Variants in DAZAP1 observed in about 807,000 individuals in gnomAD.
DAZAP1 encodes the protein DAZ associated protein 1.
DAZAP1 carries 6 observed loss-of-function variants against 60.1 expected under a neutral mutation model. That is an observed-to-expected ratio of 0.10 (90% CI 0.05 to 0.20). The LOEUF (loss-of-function observed/expected upper bound fraction) is 0.20. Among genes scored for constraint, DAZAP1 ranks in the 10% least tolerant of loss-of-function variants. DAZAP1 has a pLI of 1.00. For synonymous variants in DAZAP1, 235 were observed against 215.9 expected (o/e 1.09, Z -0.78); for missense variants, 366 against 560.4 (o/e 0.65, Z 3.50).
At chr19:1,429,773 G>T (rs997488461) in intron 8 of DAZAP1, among the ~76,000 whole-genome samples, 194 bp from the exon 9 acceptor site, 1 of 152,166 alleles carries the variant, frequency 6.6e-6, no homozygotes, top group Non-Finnish European at 1.5e-5. Flanking sequence ...TGGCTTTAAG[G>T]CCTGTTCTAC....
rs76158954 is a variant in DAZAP1 at position 1,434,272 on chromosome 19, G to A, written c.1049-465G>A. The A allele has an allele frequency of 1.0e-4, 21 of 206,814 alleles. No individual in the cohort carries two copies. The East Asian group carries it at 2.5e-3, about 24-fold the overall frequency. 12.8% of individuals were successfully genotyped at this position (206,814 alleles called of 1,614,324 possible). A position where few individuals can be genotyped will look rare whatever the true frequency, so the allele number is the denominator to read the frequency against. ...TGCCACCGATGGACGTGCCCTGACA[G>A]GAAGGACAACGTGGGGTCTGGTCTG... On this transcript the variant is annotated intron_variant, in intron 11 of 11. Coordinates refer to ENST00000233078, the MANE Select transcript of DAZAP1 (RefSeq NM_018959.4). The surrounding 1 kb of genome is among the most constrained non-coding windows in gnomAD (Gnocchi z 8.0).
chr19:1,422,105 C>A lies in DAZAP1; in HGVS notation c.415-243C>A, dbSNP rs572474461. 6.6e-6 allele frequency among the ~76,000 whole-genome samples: 1 copy of A among 152,256 alleles called. No homozygotes were observed. Among genetic ancestry groups the A allele is most frequent in the Non-Finnish European group, 1.5e-5 (1 of 68,034 alleles). ...AGCGGGGCCACGGGCAGCCCGGAGG[C>A]GGGTATCCAGACGCCTGCCCTGGAG... On this transcript the variant is annotated intron_variant, in intron 5 of 11. Transcript: ENST00000233078. This position sits in a 1 kb window ranked among gnomAD's most constrained non-coding sequence, Gnocchi z 4.5.
In DAZAP1 at chr19:1,418,020, G is replaced by A. The variant is rs2083037608; in HGVS notation, c.71-184G>A. The stretch of plus-strand genomic sequence containing the variant: ...CTCACTGGCAGCCCCTGATTTACGT[G>A]AGGACCTCAAGTGTGTGTTGGGCAG... On this transcript the variant is annotated intron_variant, in intron 2 of 11. Transcript: ENST00000233078. This position sits in a 1 kb window ranked among gnomAD's most constrained non-coding sequence, Gnocchi z 5.7. 6.6e-6 allele frequency among the ~76,000 whole-genome samples: 1 copy of A among 152,186 alleles called. No homozygotes were observed. The highest frequency in any genetic ancestry group is 6.5e-5 in the Admixed American group (1 of 15,276).
intron 7 of DAZAP1, chr19:1,427,560 G>A (rs1223604859): frequency 4.6e-5 from 7 of 152,294 alleles, no homozygotes; most frequent in African/African-American, 1.4e-4. Flanking sequence ...CTGCATTCAG[G>A]TAGGAAAGGG....
rs756622188 is a variant in DAZAP1, at chr19:1,433,709, G to A, written c.1048+1019G>A. The A allele has an allele frequency of 5.0e-6, 8 of 1,598,046 alleles. No homozygotes were observed. The highest frequency in any genetic ancestry group is 6.9e-6 in the Non-Finnish European group (8 of 1,166,660). The stretch of plus-strand genomic sequence containing the variant: ...GCTGCTCTTGGTGGCGGCTGCTTGG[G>A]TTGGTCACCCTGGTCTCGTCTCTTG... On this transcript the variant is annotated intron_variant, in intron 11 of 11. Transcript: ENST00000233078. This position sits in a 1 kb window ranked among gnomAD's most constrained non-coding sequence, Gnocchi z 6.1.
At chr19:1,415,351 TTATGTG>T (rs1285096429) in intron 1 of DAZAP1, among the ~76,000 whole-genome samples, 13 of 70,012 alleles carry the variant, frequency 1.9e-4, no homozygotes, top group South Asian at 1.3e-3. Flanking sequence ...TTTCAGGGTT[TTATGTG>T]TGTGTGTGTG....
chr19:1,430,052 T>C, intron 9 of DAZAP1, 56 bp downstream of exon 9: 2 of 1,578,578 alleles, frequency 1.3e-6, no homozygotes, highest in Non-Finnish European at 1.7e-6. Context: ...GCAGGCTGAC[T>C]CGCCAGGTGT....
At chr19:1,408,983 G>A (rs1292554300) in intron 1 of DAZAP1, among the ~76,000 whole-genome samples, 1 of 152,254 alleles carries the variant, frequency 6.6e-6, no homozygotes, top group Non-Finnish European at 1.5e-5. Flanking sequence ...AGCGGTTGCT[G>A]CTAGAGGGTT....
intron 10 of DAZAP1, among the ~76,000 whole-genome samples, chr19:1,431,000 C>T (rs1569098366): frequency 5.3e-5 from 8 of 151,900 alleles, no homozygotes; most frequent in East Asian, 2.0e-4. Flanking sequence ...GGATTACAGG[C>T]GTGAGTGACT....
intron 10 of DAZAP1, 106 bp downstream of exon 10, chr19:1,430,468 A>C (rs2083419284): frequency 9.1e-7 from 1 of 1,103,802 alleles, no homozygotes; most frequent in African/African-American, 1.6e-5. Flanking sequence ...CCTCAGCCAC[A>C]GGTGGGGTGC....
chr19:1,413,009 C>T (rs547439966), intron 1 of DAZAP1, among the ~76,000 whole-genome samples: 6 of 152,216 alleles, frequency 3.9e-5, no homozygotes, highest in Non-Finnish European at 8.8e-5. Context: ...GTCGGAGATG[C>T]CGTCAGCTGG....
At chr19:1,414,837 T>C (rs1339706304) in intron 1 of DAZAP1, among the ~76,000 whole-genome samples, 1 of 152,056 alleles carries the variant, frequency 6.6e-6, no homozygotes, top group Non-Finnish European at 1.5e-5. Context: ...TTTTTTTAAT[T>C]TTATTTAAGA....
chr19:1,417,837 A>G (rs1215729567), intron 2 of DAZAP1, among the ~76,000 whole-genome samples: 4 of 152,206 alleles, frequency 2.6e-5, no homozygotes, highest in Admixed American at 2.6e-4. Flanking sequence ...GGGGCTGGCC[A>G]GGCTGTTACT....
Position 1,430,255 on chromosome 19 carries a change from C to CG in DAZAP1, c.764_765insG (p.Pro258AlafsTer169). On this transcript the variant is annotated frameshift_variant, in exon 10 of 12. Transcript: ENST00000233078. LOFTEE classifies it high-confidence loss of function. ...GGACCGCCCCCTGCAGGAAGAGGAG[C>CG]CCCCCCGCCACCCCCACCGTTCACC... 1 of 925,638 alleles carries CG rather than the reference C, an allele frequency of 1.1e-6. No individual in the cohort carries two copies. Among genetic ancestry groups the CG allele is most frequent in the Non-Finnish European group, 1.7e-6 (1 of 601,064 alleles). The allele number at this position is 925,638 out of a possible 1,614,324, so 57.3% of individuals were successfully genotyped here. A position where few individuals can be genotyped will look rare whatever the true frequency, so the allele number is the denominator to read the frequency against.
At chr19:1,410,775 G>A (rs866615298) in intron 1 of DAZAP1, among the ~76,000 whole-genome samples, 3 of 152,234 alleles carry the variant, frequency 2.0e-5, no homozygotes, top group Non-Finnish European at 2.9e-5. Flanking sequence ...GGCAGCACAC[G>A]GTCATGGAAC....
chr19:1,424,657 C>G (rs948659554), intron 6 of DAZAP1, among the ~76,000 whole-genome samples: 1 of 151,792 alleles, frequency 6.6e-6, no homozygotes, highest in African/African-American at 2.4e-5. Flanking sequence ...CCTTCTCTGC[C>G]GCGCTCGTTC....
At chr19:1,407,978 G>A (rs2082712701) in intron 1 of DAZAP1, among the ~76,000 whole-genome samples, 176 bp downstream of exon 1, 1 of 151,578 alleles carries the variant, frequency 6.6e-6, no homozygotes, top group Admixed American at 6.6e-5. Context: ...ACGGGTGCCC[G>A]GGGTCTGGGG....
At chr19:1,413,321 A>G (rs563034879) in intron 1 of DAZAP1, among the ~76,000 whole-genome samples, 128 of 152,302 alleles carry the variant, frequency 8.4e-4, no homozygotes, top group African/African-American at 2.9e-3. Flanking sequence ...GTTGATGGAC[A>G]GTGTCTGGGA....
rs2083567220 is a variant in DAZAP1 at position 1,435,142 on chromosome 19, G to C, written c.*230G>C. ...AAAAAGTCACTGGTTCAACAACAGG[G>C]TTTAAAAAAAATGTCTTCAGCTTTA... On this transcript the variant is annotated 3_prime_UTR_variant, in exon 12 of 12. Transcript: ENST00000233078. The C allele has an allele frequency of 6.4e-6, 2 of 312,032 alleles. No homozygotes were observed. The highest frequency in any genetic ancestry group is 5.8e-6 in the Non-Finnish European group (1 of 172,514). The allele number at this position is 312,032 out of a possible 1,614,324, so 19.3% of individuals were successfully genotyped here.
Sources: allele counts gnomAD v4.1 joint callset (sites outside exome capture counted in the v4.1 genomes callset), GRCh38; gene constraint gnomAD v4.1.1; non-coding constraint Gnocchi (gnomAD v3.1); transcripts MANE v1.5; gene names NCBI Gene and HGNC (gene_info 2026-07-23, HGNC 2026-07-21).